Variants in DPF3 observed in about 807,000 individuals in gnomAD.
The protein encoded by DPF3 is double PHD fingers 3, also known as zinc finger protein DPF3.
DPF3 carries 18 observed loss-of-function variants against 56.8 expected under a neutral mutation model. The ratio of observed to expected loss-of-function variants is 0.32; its 90% CI spans 0.22 to 0.47. DPF3 has a LOEUF of 0.47. DPF3 is among the 20% of genes least tolerant of loss of function. The pLI is 1.00. For missense variants in DPF3, 403 were observed against 488.8 expected, an observed-to-expected ratio of 0.82 and a Z score of 1.65; for synonymous variants, 188 against 180.2, an observed-to-expected ratio of 1.04 and a Z score of -0.35.
At chr14:72,738,088 T>C (rs1889971318) in intron 3 of DPF3, among the ~76,000 whole-genome samples, 1 of 151,968 alleles carries the variant, frequency 6.6e-6, no homozygotes, top group Admixed American at 6.6e-5. Flanking sequence ...GTCAGACTCG[T>C]GAGGAGGGAG....
At chr14:72,698,856 A>G (rs1237301855) in intron 6 of DPF3, among the ~76,000 whole-genome samples, 1 of 96,316 alleles carries the variant, frequency 1.0e-5, no homozygotes, top group Non-Finnish European at 2.0e-5. Context: ...GGCAGCAAGC[A>G]TGGCAGGTCC....
In DPF3 at chr14:72,737,429, T is replaced by C. The variant is rs550107160; in HGVS notation, c.302-5495A>G. The stretch of plus-strand genomic sequence containing the variant: ...TAACAGGATGCAGGCGAGATGAGTC[T>C]GAAAGTGCAACATGGGAGCACAGTG... On this transcript the variant is annotated intron_variant, in intron 3 of 10. Transcript: ENST00000556509. 5.9e-5 allele frequency among the ~76,000 whole-genome samples: 9 copies of C among 152,162 alleles called. No individual in the cohort carries two copies. In the East Asian group the frequency reaches 7.7e-4, roughly 13 times the overall value.
In DPF3 at chr14:72,647,308, A is replaced by T. The variant is rs574044179; in HGVS notation, c.872-17572T>A. Among the ~76,000 whole-genome samples the T allele has an allele frequency of 3.3e-4, 51 of 152,326 alleles. 1 individual carries two copies. Among genetic ancestry groups the T allele is most frequent in the Non-Finnish European group, 7.1e-4 (48 of 68,026 alleles). ...CTTTCAACCCCATAGCCCATTGTCG[A>T]CATACCCGTAAGTGTTTCAGACAGG... On this transcript the variant is annotated intron_variant, in intron 8 of 10. Coordinates refer to ENST00000556509, the MANE Select transcript of DPF3 (RefSeq NM_001280542.3).
At chr14:72,784,239 T>C (rs934949834) in intron 1 of DPF3, among the ~76,000 whole-genome samples, 4 of 152,034 alleles carry the variant, frequency 2.6e-5, no homozygotes, top group Non-Finnish European at 4.4e-5. Flanking sequence ...TACTTGTAAA[T>C]AGAACAAAGC....
At chr14:72,737,146 A>G (rs1181708037) in intron 3 of DPF3, among the ~76,000 whole-genome samples, 1 of 152,026 alleles carries the variant, frequency 6.6e-6, no homozygotes, top group Non-Finnish European at 1.5e-5. Context: ...GGATTGAAGC[A>G]TAGAAAGTCT....
At chr14:72,688,287 GTGGATGGA>G (rs1567200810) in intron 7 of DPF3, among the ~76,000 whole-genome samples, 4 of 100,058 alleles carry the variant, frequency 4.0e-5, no homozygotes, top group African/African-American at 1.2e-4. Flanking sequence ...GGGTGGGTGG[GTGGATGGA>G]TGGGTGGGTG....
At chr14:72,717,649 A>G (rs1888988564) in intron 5 of DPF3, among the ~76,000 whole-genome samples, 1 of 152,238 alleles carries the variant, frequency 6.6e-6, no homozygotes, top group Non-Finnish European at 1.5e-5. Flanking sequence ...GCTCTTTTGC[A>G]TATAGTAACT....
At chr14:72,800,644 GGATGCATGGA>G (rs1892848652) in intron 1 of DPF3, among the ~76,000 whole-genome samples, 2 of 151,864 alleles carry the variant, frequency 1.3e-5, no homozygotes, top group South Asian at 2.1e-4. Flanking sequence ...ATGCACAGAT[GGATGCATGGA>G]TGGATGCATG....
At chr14:72,786,269 A>AAG (rs1231584601) in intron 1 of DPF3, among the ~76,000 whole-genome samples, 1 of 152,028 alleles carries the variant, frequency 6.6e-6, no homozygotes, top group Non-Finnish European at 1.5e-5. Flanking sequence ...CCTAAAAAAA[A>AAG]AAAAGAAAAA....
At chr14:72,754,071 G>C (rs8003233) in intron 2 of DPF3, among the ~76,000 whole-genome samples, 1 of 151,958 alleles carries the variant, frequency 6.6e-6, no homozygotes, top group African/African-American at 2.4e-5. Flanking sequence ...TGTGTGTGTG[G>C]CCTTTGACAC....
intron 8 of DPF3, among the ~76,000 whole-genome samples, chr14:72,647,688 A>C (rs1472425721): frequency 6.6e-6 from 1 of 152,216 alleles, no homozygotes; most frequent in Non-Finnish European, 1.5e-5. Flanking sequence ...TTGCAACCTA[A>C]TTAGATTGCA....
At chr14:72,879,965 A>C in intron 1 of DPF3, 2 of 1,474,484 alleles carry the variant, frequency 1.4e-6, no homozygotes, top group Non-Finnish European at 1.8e-6. Context: ...TGCCAAAGAA[A>C]GGTGAAAAAG....
intron 3 of DPF3, among the ~76,000 whole-genome samples, chr14:72,735,156 C>T (rs766468347): frequency 2.6e-5 from 4 of 152,108 alleles, no homozygotes; most frequent in African/African-American, 4.8e-5. Context: ...AGTCTTTTTC[C>T]AAACCTTTAT....
intron 3 of DPF3, among the ~76,000 whole-genome samples, chr14:72,749,510 A>G (rs1260686489): frequency 6.6e-6 from 1 of 152,234 alleles, no homozygotes; most frequent in African/African-American, 2.4e-5. Flanking sequence ...GACGGTTAGG[A>G]AGGCATGATT....
chr14:72,782,533 C>A (rs1892022153), intron 1 of DPF3, among the ~76,000 whole-genome samples: 1 of 152,182 alleles, frequency 6.6e-6, no homozygotes, highest in Admixed American at 6.5e-5. Flanking sequence ...CCCCAGTGAT[C>A]TTTTAAAAAC....
chr14:72,857,878 C>T lies in DPF3; in HGVS notation c.32+36179G>A, dbSNP rs144428929. Among the ~76,000 whole-genome samples, 531 of 152,286 alleles carry T rather than the reference C, an allele frequency of 3.5e-3. 3 individuals carry two copies. The highest frequency in any genetic ancestry group is 0.012 in the African/African-American group (491 of 41,568). ...CTGGGATTACAGGCGTGAGCCACCA[C>T]GCCTGGCCTGCAAGGAGTTCGTTAT... On this transcript the variant is annotated intron_variant, in intron 1 of 10. Coordinates refer to ENST00000556509, the MANE Select transcript of DPF3 (RefSeq NM_001280542.3).
intron 1 of DPF3, among the ~76,000 whole-genome samples, chr14:72,802,784 G>T (rs1892940766): frequency 6.6e-6 from 1 of 152,206 alleles, no homozygotes; most frequent in South Asian, 2.1e-4. Flanking sequence ...GCTCATGTGA[G>T]TGCTATTCCT....
At chr14:72,656,485 T>C (rs1211434560) in intron 8 of DPF3, among the ~76,000 whole-genome samples, 1 of 152,250 alleles carries the variant, frequency 6.6e-6, no homozygotes, top group Non-Finnish European at 1.5e-5. Flanking sequence ...AAACCATTGA[T>C]GACCACTGTC....
intron 3 of DPF3, among the ~76,000 whole-genome samples, chr14:72,737,736 A>G (rs1293168654): frequency 2.0e-5 from 3 of 152,212 alleles, no homozygotes; most frequent in Non-Finnish European, 4.4e-5. Flanking sequence ...GACTGCCCCA[A>G]GGGAAATTGT....
Sources: gnomAD v4.1 joint callset for allele counts (sites outside exome capture counted in the v4.1 genomes callset) on GRCh38, gnomAD v4.1.1 for gene constraint, MANE v1.5 for transcripts, NCBI Gene and HGNC (gene_info 2026-07-23, HGNC 2026-07-21) for gene names.